Variants in DPM1 observed in about 807,000 individuals in gnomAD.
DPM1 encodes dolichyl-phosphate mannosyltransferase subunit 1, catalytic, also known as dolichol-phosphate mannosyltransferase subunit 1.
DPM1 carries 27 observed loss-of-function variants against 39.0 expected under a neutral mutation model. The ratio of observed to expected loss-of-function variants is 0.69; its 90% CI spans 0.51 to 0.95. The LOEUF is 0.95. DPM1 is among the 40% of genes least tolerant of loss of function. DPM1 has a pLI of 0.00. For synonymous variants in DPM1, 124 were observed against 109.0 expected, an observed-to-expected ratio of 1.14 and a Z score of -0.86; for missense variants, 307 against 315.6, an observed-to-expected ratio of 0.97 and a Z score of 0.21.
intron 7 of DPM1, 47 bp from the exon 8 acceptor site, chr20:50,936,309 G>T: frequency 8.0e-7 from 1 of 1,246,376 alleles, no homozygotes; most frequent in Non-Finnish European, 1.2e-6. Context: ...AAATACACAT[G>T]CCTATGTATC....
intron 2 of DPM1, 68 bp from the exon 3 acceptor site, chr20:50,948,730 T>C (rs1555823162): frequency 1.4e-5 from 20 of 1,380,720 alleles, no homozygotes; most frequent in South Asian, 1.4e-4. Context: ...TTTTATCTTA[T>C]TCAAAAGTGC....
At chr20:50,936,298 T>G (rs769585252) in intron 7 of DPM1, 36 bp from the exon 8 acceptor site, 2 of 1,336,472 alleles carry the variant, frequency 1.5e-6, no homozygotes, top group Non-Finnish European at 2.1e-6. Context: ...AACTTCTGGA[T>G]AAATACACAT....
chr20:50,954,043 C>G (rs895091444), intron 2 of DPM1, among the ~76,000 whole-genome samples: 1 of 152,186 alleles, frequency 6.6e-6, no homozygotes, highest in Non-Finnish European at 1.5e-5. Context: ...ATTCCTAGAA[C>G]TACATTTACC....
At chr20:50,935,325 G>A in intron 8 of DPM1, 89 bp from the exon 9 acceptor site, 1 of 816,764 alleles carries the variant, frequency 1.2e-6, no homozygotes, top group Non-Finnish European at 2.1e-6. Flanking sequence ...AACAGAAATA[G>A]GATTAGTCCT....
rs1438142171 is a variant in DPM1, at chr20:50,955,400, G to A, written c.162-115C>T. ...ATGGAGATGTATTGCTATATTAATC[G>A]TTGAGGAAAACTTCAATTATCAAAT... On this transcript the variant is annotated intron_variant, in intron 1 of 8. Coordinates refer to ENST00000371588, the MANE Select transcript of DPM1 (RefSeq NM_003859.3). 15 of 754,406 alleles carry A rather than the reference G, an allele frequency of 2.0e-5. No homozygotes were observed. The Admixed American group carries it at 3.0e-4, about 15-fold the overall frequency. 46.7% of individuals were successfully genotyped at this position (754,406 alleles called of 1,614,324 possible).
chr20:50,950,068 T>G (rs943065393), intron 2 of DPM1, among the ~76,000 whole-genome samples: 1 of 152,222 alleles, frequency 6.6e-6, no homozygotes. Flanking sequence ...CCTTTATGAT[T>G]ATCTTCTGTA....
intron 7 of DPM1, among the ~76,000 whole-genome samples, chr20:50,937,318 T>C (rs756143255): frequency 3.3e-4 from 50 of 152,300 alleles, no homozygotes; most frequent in Non-Finnish European, 5.9e-4. Context: ...GCTTAGTGTG[T>C]GCAATCCTTT....
chr20:50,942,261 A>G (rs984407618), intron 5 of DPM1, 135 bp from the exon 6 acceptor site: 18 of 795,578 alleles, frequency 2.3e-5, no homozygotes, highest in Admixed American at 5.9e-5. Flanking sequence ...CAATCCTAGC[A>G]CTTTGGGAGG....
intron 6 of DPM1, 85 bp downstream of exon 6, chr20:50,941,946 G>T: frequency 8.6e-7 from 1 of 1,160,798 alleles, no homozygotes; most frequent in Non-Finnish European, 1.3e-6. Context: ...CAAATCCCGG[G>T]CAGCATGATA....
intron 8 of DPM1, among the ~76,000 whole-genome samples, chr20:50,935,593 G>A (rs1310516672): frequency 1.3e-5 from 2 of 152,302 alleles, no homozygotes; most frequent in Non-Finnish European, 1.5e-5. Flanking sequence ...TAGCTACAAT[G>A]GTTTAGCATT....
chr20:50,937,104 C>CT (rs1324009439), intron 7 of DPM1, among the ~76,000 whole-genome samples: 3 of 150,064 alleles, frequency 2.0e-5, no homozygotes, highest in East Asian at 3.9e-4. Context: ...CAATTTCTAC[C>CT]TTTTTTTGTG....
chr20:50,955,155 CAT>C, intron 2 of DPM1, 29 bp downstream of exon 2: 1 of 1,470,614 alleles, frequency 6.8e-7, no homozygotes, highest in Non-Finnish European at 9.5e-7. Context: ...AATCACAATT[CAT>C]ATCACAGAAA....
chr20:50,943,280 A>G (rs1220504580), intron 5 of DPM1, among the ~76,000 whole-genome samples: 1 of 152,162 alleles, frequency 6.6e-6, no homozygotes, highest in Admixed American at 6.5e-5. Flanking sequence ...AGAATATTCA[A>G]CTCACACACC....
At chr20:50,958,556 T>G (rs773483062), upstream of DPM1, 2 of 1,612,114 alleles carry the variant, frequency 1.2e-6, no homozygotes, top group Non-Finnish European at 1.7e-6. Context: ...GAAGCGGAAT[T>G]ACGTAATGTG....
Position 50,936,197 on chromosome 20 carries a change from T to C in DPM1, c.629A>G (p.Gln210Arg). The C allele has an allele frequency of 1.9e-6, 3 of 1,613,816 alleles. No homozygotes were observed. The highest frequency in any genetic ancestry group is 2.5e-6 in the Non-Finnish European group (3 of 1,179,798). ...EKCVSKGYVF[Q>R]MEMIVRARQL... ...TCTTGCCCGAACAATCATCTCCATC[T>C]GGAAGACGTAGCCTTTAGAAACACA... Residue 210 changes from glutamine to arginine, a missense_variant, in exon 8 of 9, where the codon CAG becomes CGG. Around this residue, in one of 3 missense-constraint regions of DPM1, gnomAD observed 70 missense variants for 69.4 expected, o/e 1.01. Coordinates refer to ENST00000371588, the MANE Select transcript of DPM1 (RefSeq NM_003859.3).
intron 6 of DPM1, among the ~76,000 whole-genome samples, chr20:50,941,601 G>C (rs1164986418): frequency 2.0e-5 from 3 of 151,554 alleles, no homozygotes; most frequent in Admixed American, 2.0e-4. Flanking sequence ...CCAGCTACTC[G>C]GGAGGCTGAG....
At chr20:50,956,105 G>A (rs1986809865) in intron 1 of DPM1, among the ~76,000 whole-genome samples, 1 of 151,960 alleles carries the variant, frequency 6.6e-6, no homozygotes, top group South Asian at 2.1e-4. Context: ...AAATAGTTGT[G>A]CCTATTACCT....
chr20:50,944,251 T>C (rs1401496892), intron 5 of DPM1: 1 of 152,264 alleles, frequency 6.6e-6, no homozygotes. Flanking sequence ...ATTTTGTGTT[T>C]ATTTCCTTGA....
intron 1 of DPM1, among the ~76,000 whole-genome samples, chr20:50,957,923 C>T (rs1284552235): frequency 1.3e-5 from 2 of 152,202 alleles, no homozygotes; most frequent in East Asian, 1.9e-4. Context: ...CCAGCAATAG[C>T]TCCCTAACCC....
Sources: gnomAD v4.1 joint callset for allele counts (sites outside exome capture counted in the v4.1 genomes callset) on GRCh38, gnomAD v4.1.1 for gene constraint, gnomAD v4.1.1 regional missense constraint, MANE v1.5 for transcripts, NCBI Gene and HGNC (gene_info 2026-07-23, HGNC 2026-07-21) for gene names.